LRRC4C: variants seen among roughly 807,000 people sequenced by gnomAD.
LRRC4C encodes the protein leucine rich repeat containing 4C.
A neutral mutation model predicts 33.6 loss-of-function variants in LRRC4C; 5 were observed. That is an observed-to-expected ratio of 0.15 (90% CI 0.08 to 0.31). The LOEUF (loss-of-function observed/expected upper bound fraction) is 0.31. Ranked by LOEUF, LRRC4C falls within the 10% of genes least tolerant of loss-of-function variation. The pLI, the probability that LRRC4C is intolerant of heterozygous loss-of-function variation, is 1.00. For missense variants in LRRC4C, 560 were observed against 796.7 expected, an observed-to-expected ratio of 0.70 and a Z score of 3.58; for synonymous variants, 329 against 302.0, an observed-to-expected ratio of 1.09 and a Z score of -0.93.
At chr11:41,137,028 G>A (rs745994276) in intron 1 of LRRC4C, among the ~76,000 whole-genome samples, 1 of 152,030 alleles carries the variant, frequency 6.6e-6, no homozygotes, top group African/African-American at 2.4e-5. Context: ...CAGGTGAATT[G>A]CTTGAAGCCA....
At chr11:40,932,152 T>C (rs1182568237) in intron 2 of LRRC4C, among the ~76,000 whole-genome samples, 1 of 152,136 alleles carries the variant, frequency 6.6e-6, no homozygotes, top group Admixed American at 6.6e-5. Context: ...AGGGAGTTAT[T>C]ACTGTTGGTT....
At chr11:40,712,926 T>A (rs1041343761) in intron 2 of LRRC4C, among the ~76,000 whole-genome samples, 1 of 152,034 alleles carries the variant, frequency 6.6e-6, no homozygotes, top group Non-Finnish European at 1.5e-5. Context: ...TCTCACTCTG[T>A]TGCCCAAGCT....
intron 1 of LRRC4C, among the ~76,000 whole-genome samples, chr11:41,338,314 C>T (rs1207645661): frequency 6.6e-6 from 1 of 152,080 alleles, no homozygotes; most frequent in Non-Finnish European, 1.5e-5. Context: ...CAATGACAGG[C>T]TGGATAAAGA....
At chr11:41,138,442 C>G (rs1049511573) in intron 1 of LRRC4C, among the ~76,000 whole-genome samples, 1 of 152,040 alleles carries the variant, frequency 6.6e-6, no homozygotes, top group Admixed American at 6.6e-5. Context: ...TTCAATGACA[C>G]CATTGACACT....
At chr11:40,988,613 A>T (rs759247812) in intron 1 of LRRC4C, among the ~76,000 whole-genome samples, 6 of 151,730 alleles carry the variant, frequency 4.0e-5, no homozygotes, top group Non-Finnish European at 1.5e-5. Flanking sequence ...GCTTGGTTGA[A>T]TCCCCTATGA....
intron 2 of LRRC4C, among the ~76,000 whole-genome samples, chr11:40,674,507 G>T (rs1241043869): frequency 6.6e-6 from 1 of 152,144 alleles, no homozygotes; most frequent in Non-Finnish European, 1.5e-5. Flanking sequence ...ACAGCCAGGG[G>T]CTCTTAGGTG....
chr11:40,478,880 A>G (rs1421054847), intron 3 of LRRC4C, among the ~76,000 whole-genome samples: 2 of 152,208 alleles, frequency 1.3e-5, no homozygotes, highest in African/African-American at 2.4e-5. Flanking sequence ...TTGAAATACT[A>G]ATAAAGCTTT....
intron 3 of LRRC4C, among the ~76,000 whole-genome samples, chr11:40,504,874 C>G (rs1252248905): frequency 4.6e-5 from 7 of 152,056 alleles, no homozygotes; most frequent in African/African-American, 1.2e-4. Context: ...CATAGCAATC[C>G]TAGGCTCACT....
At chr11:40,990,231 TTATATA>T (rs761772952) in intron 1 of LRRC4C, among the ~76,000 whole-genome samples, 14,979 of 78,150 alleles carry the variant, frequency 0.19, 1,002 homozygotes, top group Non-Finnish European at 0.22. Flanking sequence ...ATGTCAAGTT[TTATATA>T]TATATATATA....
chr11:40,477,401 G>T (rs2138364640), intron 3 of LRRC4C, among the ~76,000 whole-genome samples: 1 of 152,222 alleles, frequency 6.6e-6, no homozygotes, highest in South Asian at 2.1e-4. Context: ...TTAGGAGAGG[G>T]ATGATCTGGC....
chr11:40,597,496 A>G (rs1377712543), intron 3 of LRRC4C, among the ~76,000 whole-genome samples: 1 of 152,122 alleles, frequency 6.6e-6, no homozygotes, highest in African/African-American at 2.4e-5. Flanking sequence ...ACTGTATTTC[A>G]CTTCTCATCA....
At chr11:41,202,991 G>A (rs976762034) in intron 1 of LRRC4C, among the ~76,000 whole-genome samples, 1 of 152,056 alleles carries the variant, frequency 6.6e-6, no homozygotes, top group Non-Finnish European at 1.5e-5. Context: ...TCACCATGTT[G>A]GTCAGGCTGG....
intron 2 of LRRC4C, among the ~76,000 whole-genome samples, chr11:40,771,445 G>A (rs1949753378): frequency 6.6e-6 from 1 of 152,198 alleles, no homozygotes; most frequent in African/African-American, 2.4e-5. Context: ...GGGAGGGGCT[G>A]CTGTGAAGGT....
chr11:40,834,283 CA>C (rs1435817746), intron 2 of LRRC4C, among the ~76,000 whole-genome samples: 1 of 151,926 alleles, frequency 6.6e-6, no homozygotes, highest in Non-Finnish European at 1.5e-5. Flanking sequence ...ACCAGCCTGC[CA>C]ACATGGTAAA....
chr11:41,457,979 T>TG (rs1956220904), intron 1 of LRRC4C, among the ~76,000 whole-genome samples: 1 of 152,156 alleles, frequency 6.6e-6, no homozygotes. Context: ...CTTGTTTTCT[T>TG]TTTGTAACTC....
chr11:40,190,903 C>T (rs769229174), intron 5 of LRRC4C, among the ~76,000 whole-genome samples: 2 of 152,140 alleles, frequency 1.3e-5, no homozygotes, highest in Non-Finnish European at 2.9e-5. Context: ...TTCAATTTCC[C>T]TGAGGGGAAA....
intron 5 of LRRC4C, among the ~76,000 whole-genome samples, chr11:40,190,438 C>T (rs1317626947): frequency 2.6e-5 from 4 of 152,112 alleles, no homozygotes; most frequent in South Asian, 2.1e-4. Flanking sequence ...AACCACTGGC[C>T]GAAGGACAAA....
chr11:41,048,524 AAGTGCT>A (rs1857967025), intron 1 of LRRC4C, among the ~76,000 whole-genome samples: 1 of 152,052 alleles, frequency 6.6e-6, no homozygotes, highest in African/African-American at 2.4e-5. Flanking sequence ...CGGTCTCCCA[AAGTGCT>A]GGGATTACAG....
At chr11:40,867,091 C>T (rs1398676572) in intron 2 of LRRC4C, among the ~76,000 whole-genome samples, 1 of 152,140 alleles carries the variant, frequency 6.6e-6, no homozygotes. Flanking sequence ...CTTTTCCTTT[C>T]AAATCTTAAG....
Sources: gnomAD v4.1 joint callset for allele counts (sites outside exome capture counted in the v4.1 genomes callset) on GRCh38, gnomAD v4.1.1 for gene constraint, MANE v1.5 for transcripts, NCBI Gene and HGNC (gene_info 2026-07-23, HGNC 2026-07-21) for gene names.